C10orf67: variants seen among roughly 807,000 people sequenced by gnomAD.
C10orf67 encodes the protein chromosome 10 open reading frame 67, also known as uncharacterized protein C10orf67, mitochondrial.
A neutral mutation model predicts 35.6 loss-of-function variants in C10orf67; 60 were observed. The ratio of observed to expected loss-of-function variants is 1.68; its 90% CI spans 1.37 to 2.09. C10orf67 has a LOEUF of 2.09. Ranked by LOEUF, C10orf67 falls within the 30% of genes most tolerant of loss-of-function variation. The pLI, the probability that C10orf67 is intolerant of heterozygous loss-of-function variation, is 0.00. For synonymous variants in C10orf67, 167 were observed against 115.8 expected (o/e 1.44, Z -2.84); for missense variants, 474 against 330.2 (o/e 1.44, Z -3.38).
intron 13 of C10orf67, among the ~76,000 whole-genome samples, chr10:23,230,077 G>A (rs11013340): frequency 2.0e-5 from 3 of 152,032 alleles, no homozygotes; most frequent in Admixed American, 2.0e-4. Context: ...ATGAGCATTA[G>A]CCTTATCAGA....
At position 23,223,602 on chromosome 10, in the gene C10orf67, TG is replaced by T. The variant is rs1841650976; in HGVS notation, c.1565del (p.Pro522GlnfsTer70). 1.4e-6 allele frequency: 1 copy of T among 717,484 alleles called. No homozygotes were observed. The highest frequency in any genetic ancestry group is 2.7e-5 in the East Asian group (1 of 37,272). 44.4% of individuals were successfully genotyped at this position (717,484 alleles called of 1,614,324 possible). On this transcript the variant is annotated frameshift_variant, in exon 15 of 16. Transcript: ENST00000636213. LOFTEE classifies it low-confidence loss of function (END_TRUNC). Reference protein sequence around the residue: ...VSDQAALQLSPKGKLSESPKE... With the variant: ...VSDQAALQLSXKGKLSESPKE... ...TCCAACAATAATGATTCTTACCTTT[TG>T]GTGAAAGTTGAAGGGCTGCCTGATC...
chr10:23,335,896 G>C (rs190278253), intron 1 of C10orf67, among the ~76,000 whole-genome samples: 1 of 152,254 alleles, frequency 6.6e-6, no homozygotes, highest in Admixed American at 6.5e-5. Context: ...CTAGGATTAA[G>C]TCTCCCCACA....
At chr10:23,244,686 A>C (rs1842271743) in intron 12 of C10orf67, among the ~76,000 whole-genome samples, 1 of 152,224 alleles carries the variant, frequency 6.6e-6, no homozygotes, top group Non-Finnish European at 1.5e-5. Flanking sequence ...AGCACTGAAG[A>C]AAGAAGTTAA....
intron 4 of C10orf67, among the ~76,000 whole-genome samples, chr10:23,304,450 A>C (rs1844199503): frequency 6.6e-6 from 1 of 152,154 alleles, no homozygotes; most frequent in African/African-American, 2.4e-5. Context: ...ATCTGCCAGG[A>C]AACATGCCCA....
At chr10:23,255,127 C>T (rs367883888) in intron 10 of C10orf67, among the ~76,000 whole-genome samples, 32 of 152,086 alleles carry the variant, frequency 2.1e-4, no homozygotes, top group East Asian at 5.8e-4. Flanking sequence ...TAGAAACACA[C>T]GAAACAAGGA....
At chr10:23,287,961 A>T (rs1462580058) in intron 7 of C10orf67, among the ~76,000 whole-genome samples, 2 of 152,232 alleles carry the variant, frequency 1.3e-5, no homozygotes, top group African/African-American at 4.8e-5. Context: ...TTAAAAAGTC[A>T]GGAAACAATA....
Position 23,204,387 on chromosome 10 carries a change from G to A in C10orf67, c.1571-132C>T, listed in dbSNP as rs531941064. 132 of 404,166 alleles carry A rather than the reference G, an allele frequency of 3.3e-4. No homozygotes were observed. In the South Asian group the frequency reaches 0.011, roughly 32 times the overall value. The allele number at this position is 404,166 out of a possible 1,614,324, so 25.0% of individuals were successfully genotyped here. ...TCTTCCCAGCCCTGGCCCTAGCTGA[G>A]AGCCTCTTCAGGAACCTGGAAGAGA... On this transcript the variant is annotated intron_variant, in intron 15 of 15. Coordinates refer to ENST00000636213, the MANE Select transcript of C10orf67 (RefSeq NM_001371909.1).
chr10:23,211,917 C>T lies in C10orf67; in HGVS notation c.1571-7662G>A, dbSNP rs562079120. On this transcript the variant is annotated intron_variant, in intron 15 of 15. Coordinates refer to ENST00000636213, the MANE Select transcript of C10orf67 (RefSeq NM_001371909.1). ...AACAAGATAAACATGTCTCTTGTAA[C>T]GAAATGGTGAAGTAACAAGCCAGCC... is the stretch of plus-strand genomic sequence containing the variant. 5.9e-5 allele frequency among the ~76,000 whole-genome samples: 9 copies of T among 152,162 alleles called. No homozygotes were observed. In the South Asian group the frequency reaches 1.5e-3, roughly 25 times the overall value.
intron 15 of C10orf67, among the ~76,000 whole-genome samples, chr10:23,211,532 C>A (rs1841308184): frequency 6.6e-6 from 1 of 150,850 alleles, no homozygotes; most frequent in Non-Finnish European, 1.5e-5. Context: ...CCAGAGAAGG[C>A]AACTTACTGC....
chr10:23,205,289 A>G (rs1841127141), intron 15 of C10orf67, among the ~76,000 whole-genome samples: 1 of 152,218 alleles, frequency 6.6e-6, no homozygotes, highest in South Asian at 2.1e-4. Context: ...ACACACTGCC[A>G]TAAAGATACA....
chr10:23,228,005 C>T (rs555004062), intron 13 of C10orf67, among the ~76,000 whole-genome samples: 1 of 152,248 alleles, frequency 6.6e-6, no homozygotes, highest in South Asian at 2.1e-4. Flanking sequence ...TGAAAATGGC[C>T]ATACCGCCCA....
At chr10:23,269,823 G>A (rs2132206881) in intron 8 of C10orf67, among the ~76,000 whole-genome samples, 1 of 151,926 alleles carries the variant, frequency 6.6e-6, no homozygotes, top group South Asian at 2.1e-4. Flanking sequence ...CAGTTCATTG[G>A]GAGGGCATAA....
At chr10:23,282,699 C>T (rs1277528381) in intron 7 of C10orf67, among the ~76,000 whole-genome samples, 2 of 152,134 alleles carry the variant, frequency 1.3e-5, no homozygotes, top group South Asian at 4.1e-4. Context: ...GGCATGGTGG[C>T]ATGTGCCTGT....
chr10:23,219,135 T>C (rs1014796791), intron 15 of C10orf67, among the ~76,000 whole-genome samples: 3 of 152,216 alleles, frequency 2.0e-5, no homozygotes, highest in Non-Finnish European at 4.4e-5. Context: ...TTATATCTAA[T>C]ATGTTACAAT....
In C10orf67 at chr10:23,275,403, T is replaced by C. The variant is rs573613091; in HGVS notation, c.975+6610A>G. ...TTGCAAATCCCCTGTAAGTCCTGCC[T>C]CTCAAAACCCTTCGGGAAGAGATTG... On this transcript the variant is annotated intron_variant, in intron 8 of 15. Transcript: ENST00000636213. 9.8e-5 allele frequency among the ~76,000 whole-genome samples: 15 copies of C among 152,296 alleles called. No homozygotes were observed. In the South Asian group the frequency reaches 3.1e-3, roughly 32 times the overall value.
intron 12 of C10orf67, among the ~76,000 whole-genome samples, chr10:23,245,761 T>C (rs1842301428): frequency 1.3e-5 from 2 of 152,214 alleles, no homozygotes; most frequent in Non-Finnish European, 2.9e-5. Context: ...GATGGGAATG[T>C]AAATAGTTCA....
intron 8 of C10orf67, among the ~76,000 whole-genome samples, chr10:23,267,865 C>T (rs1262279567): frequency 1.3e-5 from 2 of 151,142 alleles, no homozygotes; most frequent in African/African-American, 4.9e-5. Context: ...AGTGCCATTG[C>T]ACTCCAGCCT....
intron 2 of C10orf67, 54 bp from the exon 3 acceptor site, chr10:23,322,591 A>C: frequency 8.3e-7 from 1 of 1,209,992 alleles, no homozygotes; most frequent in Non-Finnish European, 1.2e-6. Flanking sequence ...AGAAAACCAA[A>C]TACTGCATGT....
intron 2 of C10orf67, 73 bp from the exon 3 acceptor site, chr10:23,322,610 G>A: frequency 9.9e-7 from 1 of 1,013,526 alleles, no homozygotes; most frequent in South Asian, 1.6e-5. Flanking sequence ...GTTGTCACTT[G>A]CTAAGTGGGA....
Sources: allele counts gnomAD v4.1 joint callset (sites outside exome capture counted in the v4.1 genomes callset), GRCh38; gene constraint gnomAD v4.1.1; transcripts MANE v1.5; gene names NCBI Gene and HGNC (gene_info 2026-07-23, HGNC 2026-07-21).